The following RIPOR1 variants were observed in gnomAD, a reference collection of about 807,000 sequenced individuals.
RIPOR1 encodes rho family-interacting cell polarization regulator 1.
In RIPOR1, 58 loss-of-function variants were observed where a neutral mutation model predicts 116.5. The observed-to-expected ratio is 0.50, with a 90% CI of 0.40 to 0.62. The LOEUF (loss-of-function observed/expected upper bound fraction) is 0.62. Ranked by LOEUF, RIPOR1 falls within the 20% of genes least tolerant of loss-of-function variation. The pLI is 0.00. For synonymous variants in RIPOR1, 605 were observed against 650.0 expected, an observed-to-expected ratio of 0.93 and a Z score of 1.05; for missense variants, 1,372 against 1,586.2, an observed-to-expected ratio of 0.86 and a Z score of 2.29.
rs150001493 is a variant in RIPOR1, at chr16:67,531,660, C to G, written c.-24+2746C>G. ...TGAGAGAGGGTCTCAGTTGCTGGAA[C>G]AGAGAAAGCAGGGGACTGGGAGGAG... On this transcript the variant is annotated intron_variant, in intron 1 of 21. Transcript: ENST00000042381. The surrounding 1 kb of genome is among the most constrained non-coding windows in gnomAD (Gnocchi z 4.2). 1,636 of 453,582 alleles carry G rather than the reference C, an allele frequency of 3.6e-3. 20 individuals carry two copies. Among genetic ancestry groups the G allele is most frequent in the South Asian group, 0.012 (742 of 64,272 alleles). The allele number at this position is 453,582 out of a possible 1,614,324, so 28.1% of individuals were successfully genotyped here.
chr16:67,539,859 T>C lies in RIPOR1; in HGVS notation c.374T>C (p.Ile125Thr), dbSNP rs183863939. 3.9e-5 allele frequency: 63 copies of C among 1,614,160 alleles called. No individual in the cohort carries two copies. Among genetic ancestry groups the C allele is most frequent in the Admixed American group, 1.2e-4 (7 of 60,020 alleles). Residue 125 changes from isoleucine to threonine, a missense_variant, in exon 6 of 22, where the codon ATT becomes ACT. Physicochemically the swap from Ile to Thr is moderately conservative, Grantham distance 89. Transcript: ENST00000042381. ...LYDLDKQVKS[I>T]ERFLRRLEFH... Reference sequence around the variant, plus strand: ...CCTCTCCCCCAGCAAGTCAAGTCCATTGAACGCTTCCTGCGACGACTGGAG... The same window carrying C: ...CCTCTCCCCCAGCAAGTCAAGTCCACTGAACGCTTCCTGCGACGACTGGAG...
At chr16:67,528,287 T>C (rs2050565595), upstream of RIPOR1, 1 of 152,262 alleles carries the variant, frequency 6.6e-6, no homozygotes, top group Non-Finnish European at 1.5e-5. Flanking sequence ...GAGTGGGGAA[T>C]GCATGACCCG....
chr16:67,542,164 T>C lies in RIPOR1; in HGVS notation c.1378T>C (p.Leu460=). 1.2e-6 allele frequency: 2 copies of C among 1,613,568 alleles called. No homozygotes were observed. The highest frequency in any genetic ancestry group is 1.7e-6 in the Non-Finnish European group (2 of 1,179,770). ...CAGTGAGGCTAGTGTAGATGCTGCC[T>C]TGGCTGAGGCTTCAGTGGAGGCCGT... ...HISEASVDAA[L]AEASVEAVGP... is the part of the protein sequence containing the mutation. The change falls in exon 13 of 22, where the codon TTG becomes CTG. Residue 460 remains leucine, a synonymous_variant. Transcript: ENST00000042381. This position sits in a 1 kb window ranked among gnomAD's most constrained non-coding sequence, Gnocchi z 4.6.
Position 67,529,945 on chromosome 16 carries a change from G to A in RIPOR1, c.-24+1031G>A. 1.2e-6 allele frequency: 1 copy of A among 864,244 alleles called. No individual in the cohort carries two copies. The highest frequency in any genetic ancestry group is 2.0e-5 in the Admixed American group (1 of 50,116). 53.5% of individuals were successfully genotyped at this position (864,244 alleles called of 1,614,324 possible). On this transcript the variant is annotated intron_variant, in intron 1 of 21. Coordinates refer to ENST00000042381, the MANE Select transcript of RIPOR1 (RefSeq NM_024519.4). This position sits in a 1 kb window ranked among gnomAD's most constrained non-coding sequence, Gnocchi z 4.1. ...CCTTGCCCCTGCGACACCCACCTCCGTGGTATTGGAGGGAGGAGAGGAATG... is the reference window on the plus strand; with the variant it reads ...CCTTGCCCCTGCGACACCCACCTCCATGGTATTGGAGGGAGGAGAGGAATG...
chr16:67,524,444 C>A (rs2050523741), upstream of RIPOR1, among the ~76,000 whole-genome samples: 1 of 152,178 alleles, frequency 6.6e-6, no homozygotes, highest in South Asian at 2.1e-4. Flanking sequence ...CTTACTTGAT[C>A]TCTTGGTGAC....
chr16:67,538,318 G>A (rs1263786272), intron 1 of RIPOR1, 106 bp from the exon 2 acceptor site: 5 of 1,419,078 alleles, frequency 3.5e-6, no homozygotes, highest in Non-Finnish European at 4.7e-6. Context: ...CGCTGGGGCA[G>A]CTGTGCCTAG....
At chr16:67,521,072 G>C (rs996899934) in intron 1 of RIPOR1, among the ~76,000 whole-genome samples, 1 of 152,108 alleles carries the variant, frequency 6.6e-6, no homozygotes, top group Non-Finnish European at 1.5e-5. Flanking sequence ...GGTAGTGGTG[G>C]GGTTCCCAGG....
Position 67,544,589 on chromosome 16 carries a change from T to C in RIPOR1, c.2734-106T>C. The C allele has an allele frequency of 1.3e-6, 2 of 1,565,508 alleles. No homozygotes were observed. Among genetic ancestry groups the C allele is most frequent in the Admixed American group, 1.7e-5 (1 of 58,830 alleles). ...CTTGCTGAATGGAGTATCTCCCAACTCTGCAACCCCAACCTCCCCCAGTGC... is the reference window on the plus strand; with the variant it reads ...CTTGCTGAATGGAGTATCTCCCAACCCTGCAACCCCAACCTCCCCCAGTGC... On this transcript the variant is annotated intron_variant, in intron 15 of 21. Coordinates refer to ENST00000042381, the MANE Select transcript of RIPOR1 (RefSeq NM_024519.4). The surrounding 1 kb of genome is among the most constrained non-coding windows in gnomAD (Gnocchi z 5.1).
Position 67,538,683 on chromosome 16 carries a change from T to C in RIPOR1, c.116T>C (p.Val39Ala), listed in dbSNP as rs1251182208. ...SHERGPRSFP[V>A]FSPPGPPRKP... ...AGCCTCTCCTTCAGGAGTTTCCCGG[T>C]CTTCAGCCCGCCGGGGCCCCCACGG... Residue 39 changes from valine (V) to alanine (A), a missense_variant, in exon 3 of 22, where the codon GTC (valine) becomes GCC (alanine). Val to Ala is a moderately conservative substitution (Grantham distance 64). Around this residue, in one of 3 missense-constraint regions of RIPOR1, gnomAD observed 165 missense variants for 145.5 expected, o/e 1.13. Transcript: ENST00000042381. The C allele has an allele frequency of 1.9e-6, 3 of 1,612,744 alleles. No homozygotes were observed. Among genetic ancestry groups the C allele is most frequent in the Non-Finnish European group, 8.5e-7 (1 of 1,179,702 alleles).
Position 67,543,422 on chromosome 16 carries a change from C to G in RIPOR1, c.2553C>G (p.Ser851Arg). The part of the protein sequence containing the change: ...ITVEHALESF[S>R]FLNEDEDEDN... The stretch of plus-strand genomic sequence containing the variant: ...TGGAGCATGCCTTGGAGAGCTTCAG[C>G]TTCCTCAATGAAGACGAAGATGAAG... The change falls in exon 14 of 22, where the codon AGC becomes AGG. Residue 851 changes from serine to arginine, a missense_variant. Ser to Arg is a moderately radical substitution (Grantham distance 110). Transcript: ENST00000042381. This position sits in a 1 kb window ranked among gnomAD's most constrained non-coding sequence, Gnocchi z 4.7. 6.4e-7 allele frequency: 1 copy of G among 1,571,462 alleles called. No individual in the cohort carries two copies.
At chr16:67,528,261 A>C (rs2050565152), upstream of RIPOR1, 1 of 152,336 alleles carries the variant, frequency 6.6e-6, no homozygotes, top group Admixed American at 6.5e-5. Context: ...AGACTGCCCG[A>C]AAACCAGTAC....
intron 1 of RIPOR1, among the ~76,000 whole-genome samples, chr16:67,520,859 G>A (rs1442526248): frequency 6.6e-6 from 1 of 152,010 alleles, no homozygotes; most frequent in Non-Finnish European, 1.5e-5. Context: ...AGCTCACTGA[G>A]GGGCATGAAG....
At chr16:67,521,146 A>G (rs1016245625) in intron 1 of RIPOR1, among the ~76,000 whole-genome samples, 1 of 152,054 alleles carries the variant, frequency 6.6e-6, no homozygotes, top group Admixed American at 6.5e-5. Flanking sequence ...TGTGCACTGC[A>G]CTCTACAGTG....
upstream of RIPOR1, chr16:67,528,514 G>A (rs544943199): frequency 2.0e-5 from 3 of 152,474 alleles, no homozygotes; most frequent in Non-Finnish European, 4.4e-5. Context: ...CCTGTTTCAG[G>A]TGGTCACGGA....
In RIPOR1 at chr16:67,520,278, C is replaced by T. The variant is rs184142284; in HGVS notation, c.-24+1665C>T. Among the ~76,000 whole-genome samples, 4 of 148,664 alleles carry T rather than the reference C, an allele frequency of 2.7e-5. No individual in the cohort carries two copies. In the East Asian group the frequency reaches 8.1e-4, roughly 30 times the overall value. On this transcript the variant is annotated intron_variant, in intron 1 of 1. Coordinates refer to the RIPOR1 transcript ENST00000562116. ...TGCCTGTGGTCCCAGCTACTCAGGA[C>T]GCTGAGGTGGGAGGATCACTTGAGC...
rs2050633544 is a variant in RIPOR1, at chr16:67,530,542, C to A, written c.-24+1628C>A. Among the ~76,000 whole-genome samples, 1 of 152,326 alleles carries A rather than the reference C, an allele frequency of 6.6e-6. No homozygotes were observed. Among genetic ancestry groups the A allele is most frequent in the African/African-American group, 2.4e-5 (1 of 41,578 alleles). The stretch of plus-strand genomic sequence containing the variant: ...TAGCCTCTGTTTACCTCGGTCGGGG[C>A]GGCCCCGGGGTGGGGCGGGGCTAGA... On this transcript the variant is annotated intron_variant, in intron 1 of 21. Transcript: ENST00000042381. The surrounding 1 kb of genome is among the most constrained non-coding windows in gnomAD (Gnocchi z 4.5).
rs754963653 is a variant in RIPOR1, at chr16:67,540,418, A to G, written c.632-40A>G. ...TGGAGGGAGTATGCTGAAGAACCCC[A>G]ATATGGCTCACCGACTTCTCCCCTT... is the stretch of plus-strand genomic sequence containing the variant. On this transcript the variant is annotated intron_variant, in intron 8 of 21. Transcript: ENST00000042381. The surrounding 1 kb of genome is among the most constrained non-coding windows in gnomAD (Gnocchi z 4.7). 1.1e-4 allele frequency: 181 copies of G among 1,614,018 alleles called. No individual in the cohort carries two copies. The highest frequency in any genetic ancestry group is 2.3e-4 in the Admixed American group (14 of 59,998).
At chr16:67,523,419 G>A (rs1261638763) in intron 1 of RIPOR1, among the ~76,000 whole-genome samples, 2 of 150,278 alleles carry the variant, frequency 1.3e-5, no homozygotes, top group African/African-American at 4.9e-5. Flanking sequence ...CCAGCTACTC[G>A]GGAGGCTGAG....
rs2050815860 is a variant in RIPOR1, at chr16:67,537,207, C to G, written c.-23-1217C>G. ...AGATTACAGGCGTGAGCCACTGTGC[C>G]CGGCCTCAATAGCGACTCTTTAAGC... On this transcript the variant is annotated intron_variant, in intron 1 of 21. Transcript: ENST00000042381. The surrounding 1 kb of genome is among the most constrained non-coding windows in gnomAD (Gnocchi z 4.6). Among the ~76,000 whole-genome samples, 2 of 152,226 alleles carry G rather than the reference C, an allele frequency of 1.3e-5. No homozygotes were observed. The highest frequency in any genetic ancestry group is 4.8e-5 in the African/African-American group (2 of 41,460).
Sources: allele counts gnomAD v4.1 joint callset (sites outside exome capture counted in the v4.1 genomes callset), GRCh38; gene constraint gnomAD v4.1.1; regional missense constraint gnomAD v4.1.1; non-coding constraint Gnocchi (gnomAD v3.1); transcripts MANE v1.5; gene names NCBI Gene and HGNC (gene_info 2026-07-23, HGNC 2026-07-21).